The following TMEM117 variants were observed in gnomAD, a reference collection of about 807,000 sequenced individuals.
The protein encoded by TMEM117 is transmembrane protein 117.
TMEM117 carries 27 observed loss-of-function variants against 52.4 expected under a neutral mutation model. The observed-to-expected ratio is 0.51, with a 90% confidence interval of 0.38 to 0.71. The LOEUF (loss-of-function observed/expected upper bound fraction) is 0.71. Ranked by LOEUF, TMEM117 falls within the 30% of genes least tolerant of loss-of-function variation. The probability of loss-of-function intolerance (pLI) is 0.00; values close to 1 mark genes in which losing one functional copy is unlikely to be tolerated. For missense variants in TMEM117, 556 were observed against 630.5 expected (o/e 0.88, Z 1.26); for synonymous variants, 215 against 206.3 (o/e 1.04, Z -0.36).
At chr12:44,335,618 A>G (rs1951330842) in intron 6 of TMEM117, among the ~76,000 whole-genome samples, 1 of 152,088 alleles carries the variant, frequency 6.6e-6, no homozygotes, top group South Asian at 2.1e-4. Flanking sequence ...ATCTAATGGT[A>G]ATAACTATGT....
chr12:44,186,860 C>T (rs1048001517), intron 4 of TMEM117, among the ~76,000 whole-genome samples: 1 of 152,158 alleles, frequency 6.6e-6, no homozygotes, highest in African/African-American at 2.4e-5. Flanking sequence ...TTGTCCTGTG[C>T]ATGTGTTCTT....
intron 3 of TMEM117, among the ~76,000 whole-genome samples, chr12:43,958,060 A>G (rs1945337014): frequency 6.6e-6 from 1 of 152,160 alleles, no homozygotes; most frequent in Non-Finnish European, 1.5e-5. Flanking sequence ...TGTGTTGTTA[A>G]TGGGCTTTTT....
rs556220523 is a variant in TMEM117 at position 44,070,007 on chromosome 12, A to G, written c.411-73518A>G. 7.9e-5 allele frequency among the ~76,000 whole-genome samples: 12 copies of G among 152,104 alleles called. No homozygotes were observed. The East Asian group carries it at 2.1e-3, about 27-fold the overall frequency. ...CAGGCTCAAGTGATCCTCCCACCTTACCTTCCTGAGTAGCTGGGACTACAG... is the reference window on the plus strand; with the variant it reads ...CAGGCTCAAGTGATCCTCCCACCTTGCCTTCCTGAGTAGCTGGGACTACAG... On this transcript the variant is annotated intron_variant, in intron 3 of 7. Coordinates refer to ENST00000266534, the MANE Select transcript of TMEM117 (RefSeq NM_032256.3).
Position 44,325,603 on chromosome 12 carries a change from T to C in TMEM117, c.768+25864T>C, listed in dbSNP as rs1951184489. ...TTAGGATGGTTAATATTTTTCTCAT[T>C]GTCTTGTAATAGCTCCTTGCACATT... On this transcript the variant is annotated intron_variant, in intron 6 of 7. Transcript: ENST00000266534. Among the ~76,000 whole-genome samples the C allele has an allele frequency of 2.6e-5, 4 of 152,192 alleles. No homozygotes were observed. The East Asian group carries it at 7.7e-4, about 29-fold the overall frequency.
intron 2 of TMEM117, among the ~76,000 whole-genome samples, chr12:43,892,577 A>G (rs151106494): frequency 6.6e-6 from 1 of 152,344 alleles, no homozygotes; most frequent in East Asian, 1.9e-4. Flanking sequence ...TTCTAAGGAC[A>G]GCAATTTAGG....
chr12:43,939,569 A>C (rs1945010562), intron 2 of TMEM117, among the ~76,000 whole-genome samples: 1 of 152,090 alleles, frequency 6.6e-6, no homozygotes, highest in African/African-American at 2.4e-5. Context: ...GCTTGTTTTT[A>C]CTTCTGCATC....
chr12:43,859,190 G>C (rs904957488), intron 2 of TMEM117, among the ~76,000 whole-genome samples: 4 of 152,184 alleles, frequency 2.6e-5, no homozygotes, highest in African/African-American at 9.6e-5. Context: ...GTGTGAACCT[G>C]AGCTTTGCCA....
intron 6 of TMEM117, among the ~76,000 whole-genome samples, 188 bp downstream of exon 6, chr12:44,299,927 A>T (rs1950818485): frequency 6.6e-6 from 1 of 152,184 alleles, no homozygotes; most frequent in Non-Finnish European, 1.5e-5. Context: ...CTTTTATAAG[A>T]GGGGCACCAA....
At chr12:43,953,496 C>A (rs1945257996) in intron 3 of TMEM117, among the ~76,000 whole-genome samples, 1 of 152,052 alleles carries the variant, frequency 6.6e-6, no homozygotes. Flanking sequence ...GCAGGAGTTG[C>A]AATCCTAGCT....
At chr12:43,930,937 G>A (rs1377157180) in intron 2 of TMEM117, among the ~76,000 whole-genome samples, 1 of 152,122 alleles carries the variant, frequency 6.6e-6, no homozygotes, top group African/African-American at 2.4e-5. Context: ...GTGTGGGGAG[G>A]CCAAAACAGC....
intron 2 of TMEM117, among the ~76,000 whole-genome samples, chr12:43,907,203 G>A (rs1452411742): frequency 5.3e-5 from 8 of 152,288 alleles, no homozygotes; most frequent in African/African-American, 1.9e-4. Context: ...CCCCTGAGCA[G>A]CCTAACTGGG....
At chr12:44,130,872 T>C (rs1460929842) in intron 3 of TMEM117, among the ~76,000 whole-genome samples, 1 of 152,156 alleles carries the variant, frequency 6.6e-6, no homozygotes, top group Admixed American at 6.5e-5. Flanking sequence ...GCAATGCCCC[T>C]ATTTCATTTC....
At chr12:43,927,588 A>G (rs1481446603) in intron 2 of TMEM117, among the ~76,000 whole-genome samples, 8 of 151,898 alleles carry the variant, frequency 5.3e-5, no homozygotes, top group African/African-American at 1.9e-4. Context: ...TCTTATTTAT[A>G]TAATCTATCT....
chr12:44,164,660 TATA>T (rs1948940921), intron 4 of TMEM117, among the ~76,000 whole-genome samples: 1 of 152,206 alleles, frequency 6.6e-6, no homozygotes, highest in African/African-American at 2.4e-5. Context: ...AACTCTGGGA[TATA>T]ATAAGAGGAT....
At chr12:44,384,380 G>A (rs1253862179) in intron 7 of TMEM117, among the ~76,000 whole-genome samples, 3 of 152,078 alleles carry the variant, frequency 2.0e-5, no homozygotes, top group South Asian at 4.1e-4. Flanking sequence ...GATATGAATA[G>A]GCAGCCTGGC....
chr12:43,813,592 A>G, the TMEM117 span, among the ~76,000 whole-genome samples: 2 of 151,842 alleles, frequency 1.3e-5, no homozygotes, highest in Non-Finnish European at 2.9e-5. Context: ...CTCTGAGATA[A>G]CATTACAGTT....
At chr12:44,137,614 T>C (rs959069093) in intron 3 of TMEM117, among the ~76,000 whole-genome samples, 1 of 152,034 alleles carries the variant, frequency 6.6e-6, no homozygotes, top group Admixed American at 6.6e-5. Context: ...ATCACAATCA[T>C]GGTGGAAAGC....
intron 5 of TMEM117, among the ~76,000 whole-genome samples, chr12:44,222,763 G>A (rs1310893854): frequency 6.6e-6 from 1 of 152,144 alleles, no homozygotes; most frequent in African/African-American, 2.4e-5. Context: ...GCTCTGAGAT[G>A]TTAGAAATTA....
intron 5 of TMEM117, among the ~76,000 whole-genome samples, chr12:44,234,810 C>A (rs1237673818): frequency 6.6e-6 from 1 of 151,272 alleles, no homozygotes; most frequent in Non-Finnish European, 1.5e-5. Flanking sequence ...AGATTATATA[C>A]TGTGTGTAAT....
Sources: allele counts gnomAD v4.1 joint callset (sites outside exome capture counted in the v4.1 genomes callset), GRCh38; gene constraint gnomAD v4.1.1; transcripts MANE v1.5; gene names NCBI Gene and HGNC (gene_info 2026-07-23, HGNC 2026-07-21).